Variants in RELN observed in about 807,000 individuals in gnomAD.
The protein encoded by RELN is reelin.
In RELN, 108 loss-of-function variants were observed where a neutral mutation model predicts 427.6. That is an observed-to-expected ratio of 0.25 (90% confidence interval 0.22 to 0.30). The LOEUF (loss-of-function observed/expected upper bound fraction) is 0.30, where lower values mean the gene tolerates loss of function less well. Ranked by LOEUF, RELN falls within the 10% of genes least tolerant of loss-of-function variation. The pLI is 1.00. For synonymous variants in RELN, 1,524 were observed against 1,513.4 expected (o/e 1.01, Z -0.16); for missense variants, 3,715 against 4,302.8 (o/e 0.86, Z 3.82).
In RELN at chr7:103,972,042, C is replaced by T. The variant is rs578230884; in HGVS notation, c.226+17089G>A. Among the ~76,000 whole-genome samples the T allele has an allele frequency of 7.2e-5, 11 of 152,176 alleles. No homozygotes were observed. In the South Asian group the frequency reaches 2.3e-3, roughly 32 times the overall value. Reference sequence around the variant, plus strand: ...GAGCCAAGATCACGCCACTGTACTCCAGCCTGGGCGACAGAGCGAGACCCT... The same window carrying T: ...GAGCCAAGATCACGCCACTGTACTCTAGCCTGGGCGACAGAGCGAGACCCT... On this transcript the variant is annotated intron_variant, in intron 1 of 64. Coordinates refer to ENST00000428762, the MANE Select transcript of RELN (RefSeq NM_005045.4).
At chr7:103,774,614 TA>T (rs1274469204) in intron 4 of RELN, among the ~76,000 whole-genome samples, 3 of 152,126 alleles carry the variant, frequency 2.0e-5, no homozygotes, top group South Asian at 2.1e-4. Flanking sequence ...ACCCAATACA[TA>T]AAAAATGATT....
intron 3 of RELN, among the ~76,000 whole-genome samples, chr7:103,815,207 A>AT (rs59908355): frequency 0.12 from 18,043 of 152,076 alleles, 1,256 homozygotes; most frequent in East Asian, 0.33. Context: ...TTGCTATGGA[A>AT]TTTTTTTTCC....
At chr7:103,676,667 A>G (rs574810434) in intron 11 of RELN, among the ~76,000 whole-genome samples, 2 of 152,372 alleles carry the variant, frequency 1.3e-5, no homozygotes, top group East Asian at 3.9e-4. Context: ...AGACTGGATT[A>G]AGAAAATGTG....
chr7:103,957,745 T>A lies in RELN; in HGVS notation c.226+31386A>T, dbSNP rs17157643. 3.6e-3 allele frequency among the ~76,000 whole-genome samples: 553 copies of A among 152,306 alleles called. 15 individuals carry two copies. In the East Asian group the frequency reaches 0.073, roughly 20 times the overall value. ...TGGAATACTTTCACATAAGGCTTTT[T>A]AGATTTCAGAGTCATTCCTGGATTG... On this transcript the variant is annotated intron_variant, in intron 1 of 64. Transcript: ENST00000428762.
intron 46 of RELN, among the ~76,000 whole-genome samples, chr7:103,533,040 T>G (rs1307241137): frequency 1.3e-5 from 2 of 152,230 alleles, no homozygotes; most frequent in Admixed American, 6.5e-5. Flanking sequence ...GAATGAATAA[T>G]TGCTACTGAT....
At chr7:103,676,634 C>A (rs1000122819) in intron 11 of RELN, among the ~76,000 whole-genome samples, 1 of 152,144 alleles carries the variant, frequency 6.6e-6, no homozygotes, top group Non-Finnish European at 1.5e-5. Context: ...AGACTTGGAA[C>A]CAACCCAAAT....
At chr7:103,562,590 C>T (rs1830666979) in intron 34 of RELN, among the ~76,000 whole-genome samples, 1 of 152,206 alleles carries the variant, frequency 6.6e-6, no homozygotes, top group Non-Finnish European at 1.5e-5. Context: ...ACTTACCAAA[C>T]AACAGTAACA....
At chr7:103,533,805 A>G (rs1829992321) in intron 46 of RELN, among the ~76,000 whole-genome samples, 1 of 152,224 alleles carries the variant, frequency 6.6e-6, no homozygotes, top group Non-Finnish European at 1.5e-5. Flanking sequence ...GCTGGAGTAA[A>G]TCTTAGAATG....
Position 103,502,262 on chromosome 7 carries a change from G to GTAA in RELN, c.8489+751_8489+753dup, listed in dbSNP as rs146215793. On this transcript the variant is annotated intron_variant, in intron 52 of 64. Coordinates refer to ENST00000428762, the MANE Select transcript of RELN (RefSeq NM_005045.4). Reference sequence around the variant, plus strand: ...GATACATTCCAGAAAACCCTGAGTGGTAATAATAATAATAATAATATCTAT... The same window carrying GTAA: ...GATACATTCCAGAAAACCCTGAGTGGTAATAATAATAATAATAATAATATCTAT... Among the ~76,000 whole-genome samples the GTAA allele has an allele frequency of 2.1e-3, 318 of 151,846 alleles. 1 individual carries two copies. The highest frequency in any genetic ancestry group is 3.4e-3 in the Middle Eastern group (1 of 292).
intron 10 of RELN, among the ~76,000 whole-genome samples, chr7:103,687,059 C>A (rs549918963): frequency 6.6e-6 from 1 of 152,120 alleles, no homozygotes; most frequent in South Asian, 2.1e-4. Context: ...TTTCTGGATT[C>A]ATTAAACACA....
chr7:103,899,378 T>C (rs1243936411), intron 2 of RELN, among the ~76,000 whole-genome samples: 1 of 152,126 alleles, frequency 6.6e-6, no homozygotes, highest in Non-Finnish European at 1.5e-5. Context: ...GAGGAACTGG[T>C]ACCATTCCTT....
At chr7:103,941,791 A>G (rs1477492140) in intron 1 of RELN, among the ~76,000 whole-genome samples, 1 of 152,142 alleles carries the variant, frequency 6.6e-6, no homozygotes, top group African/African-American at 2.4e-5. Context: ...AAAAGTTACA[A>G]AAGAGGCTAT....
intron 3 of RELN, among the ~76,000 whole-genome samples, chr7:103,796,724 G>T (rs1792306909): frequency 6.6e-6 from 1 of 151,958 alleles, no homozygotes; most frequent in African/African-American, 2.4e-5. Context: ...AGGCAGGCGT[G>T]GTGGCACATG....
intron 7 of RELN, 21 bp downstream of exon 7, chr7:103,728,090 A>T (rs1790259107): frequency 6.2e-7 from 1 of 1,605,856 alleles, no homozygotes. Context: ...GGAATAATGT[A>T]CATGAATAGC....
intron 1 of RELN, among the ~76,000 whole-genome samples, chr7:103,954,673 T>C (rs529989632): frequency 1.3e-5 from 2 of 152,326 alleles, no homozygotes; most frequent in African/African-American, 4.8e-5. Flanking sequence ...ATAAGAAGTA[T>C]ATTTAGCATA....
chr7:103,679,944 T>C (rs1833618475), intron 11 of RELN, among the ~76,000 whole-genome samples: 2 of 152,160 alleles, frequency 1.3e-5, no homozygotes, highest in Non-Finnish European at 2.9e-5. Context: ...TCTCCACAAG[T>C]GTTACTCATA....
intron 2 of RELN, among the ~76,000 whole-genome samples, chr7:103,864,518 T>A (rs1794147663): frequency 6.6e-6 from 1 of 152,158 alleles, no homozygotes; most frequent in Admixed American, 6.6e-5. Flanking sequence ...CATTTTTAGA[T>A]CCTGCACAGA....
Position 103,758,960 on chromosome 7 carries a change from TGAC to T in RELN, c.545-5749_545-5747del, listed in dbSNP as rs569488085. Among the ~76,000 whole-genome samples, 12 of 152,118 alleles carry T rather than the reference TGAC, an allele frequency of 7.9e-5. No individual in the cohort carries two copies. The South Asian group carries it at 2.5e-3, about 32-fold the overall frequency. ...TCCTAGATGCTTGAGTATTATTAAG[TGAC>T]CTGAAGATTACATATGTATTTTACT... On this transcript the variant is annotated intron_variant, in intron 4 of 64. Transcript: ENST00000428762.
Position 103,523,643 on chromosome 7 carries a change from C to T in RELN, c.7350-112G>A, listed in dbSNP as rs1341656773. 2.8e-5 allele frequency: 28 copies of T among 1,010,680 alleles called. No homozygotes were observed. The Admixed American group carries it at 5.2e-4, about 19-fold the overall frequency. The allele number at this position is 1,010,680 out of a possible 1,614,324, so 62.6% of individuals were successfully genotyped here. ...TAACACAAAAGCATGTACATTCCTA[C>T]TTCTTTTCTGAAAAGAACATTCATT... is the stretch of plus-strand genomic sequence containing the variant. On this transcript the variant is annotated intron_variant, in intron 46 of 64. Transcript: ENST00000428762.
Sources: gnomAD v4.1 joint callset for allele counts (sites outside exome capture counted in the v4.1 genomes callset) on GRCh38, gnomAD v4.1.1 for gene constraint, MANE v1.5 for transcripts, NCBI Gene and HGNC (gene_info 2026-07-23, HGNC 2026-07-21) for gene names.